Variants in USF3 observed in about 807,000 individuals in gnomAD.
USF3 encodes the protein upstream transcription factor family member 3.
A neutral mutation model predicts 157.5 loss-of-function variants in USF3; 29 were observed. The observed-to-expected ratio is 0.18, with a 90% CI of 0.14 to 0.25. USF3 has a LOEUF of 0.25. Among genes scored for constraint, USF3 ranks in the 10% least tolerant of loss-of-function variants. USF3 has a pLI of 1.00. For missense variants in USF3, 2,381 were observed against 2,667.6 expected (o/e 0.89, Z 2.37); for synonymous variants, 893 against 941.4 (o/e 0.95, Z 0.94).
Position 113,654,840 on chromosome 3 carries a change from GACAC to G in USF3, c.*100_*103del. The G allele has an allele frequency of 1.6e-6, 2 of 1,251,876 alleles. No homozygotes were observed. The highest frequency in any genetic ancestry group is 2.2e-6 in the Non-Finnish European group (2 of 912,660). 77.5% of individuals were successfully genotyped at this position (1,251,876 alleles called of 1,614,324 possible). ...AAGATAACTGAAAACTGATTATACA[GACAC>G]ACACACACAATCCTTCTCTTCATGT... On this transcript the variant is annotated 3_prime_UTR_variant, in exon 7 of 7. Transcript: ENST00000316407.
In USF3 at chr3:113,657,247, C is replaced by A. The variant is rs563031436; in HGVS notation, c.4435G>T (p.Ala1479Ser). ...TGATGCCTCTCTCTTAACTGCCCTGCTTGTTGTTGTTGCTGTTGCTGCTGC... is the reference window on the plus strand; with the variant it reads ...TGATGCCTCTCTCTTAACTGCCCTGATTGTTGTTGTTGCTGTTGCTGCTGC... ...QQQQQQQQQQ[A>S]GQLRERHHLY... The change falls in exon 7 of 7, where the codon GCA (alanine) becomes TCA (serine). Residue 1479 changes from alanine (A) to serine (S), a missense_variant. Around this residue, in one of 6 missense-constraint regions of USF3, gnomAD observed 50 missense variants for 79.7 expected, o/e 0.63. Transcript: ENST00000316407. The A allele has an allele frequency of 3.0e-4, 476 of 1,595,572 alleles. 4 individuals are homozygous for A. The South Asian group carries it at 4.9e-3, about 16-fold the overall frequency.
rs1020250383 is a variant in USF3, at chr3:113,659,481, G to T, written c.2201C>A (p.Pro734His). 6.2e-7 allele frequency: 1 copy of T among 1,614,128 alleles called. No homozygotes were observed. Among genetic ancestry groups the T allele is most frequent in the Non-Finnish European group, 8.5e-7 (1 of 1,180,040 alleles). ...ATTTGCAGCAGTTTGAGAATTGGCA[G>T]GCTGGCTAATAGACAATTGTACACA... Reference protein sequence around the residue: ...QSCVQLSISQPANSQTAANSQ... With the variant: ...QSCVQLSISQHANSQTAANSQ... The change falls in exon 7 of 7, where the codon CCT (proline) becomes CAT (histidine). Residue 734 changes from proline to histidine, a missense_variant. Pro to His is a moderately conservative substitution (Grantham distance 77). This residue lies in a region of USF3 where 1,435 missense variants were observed against 1,550.9 expected (regional missense o/e 0.93). Transcript: ENST00000316407.
At chr3:113,662,198 T>C (rs754617836) in intron 6 of USF3, among the ~76,000 whole-genome samples, 3 of 152,186 alleles carry the variant, frequency 2.0e-5, no homozygotes, top group Non-Finnish European at 2.9e-5. Context: ...TTTGAAACAA[T>C]TGAGACAAAA....
Position 113,652,833 on chromosome 3 carries a change from G to C in USF3, c.*2111C>G, listed in dbSNP as rs1033176461. On this transcript the variant is annotated 3_prime_UTR_variant, in exon 7 of 7. Coordinates refer to ENST00000316407, the MANE Select transcript of USF3 (RefSeq NM_001009899.4). ...TAGCCAGGTGTAGTGGCACAGACCT[G>C]TAATCTCAGCTACTCGGGAGGCTGA... The C allele has an allele frequency of 8.4e-5, 18 of 214,938 alleles. No homozygotes were observed. The highest frequency in any genetic ancestry group is 6.6e-4 in the South Asian group (9 of 13,638). The allele number at this position is 214,938 out of a possible 1,614,324, so 13.3% of individuals were successfully genotyped here. A position where few individuals can be genotyped will look rare whatever the true frequency, so the allele number is the denominator to read the frequency against.
chr3:113,689,475 G>C (rs1359082045), intron 1 of USF3, among the ~76,000 whole-genome samples: 1 of 152,094 alleles, frequency 6.6e-6, no homozygotes, highest in Non-Finnish European at 1.5e-5. Context: ...ATCCTTTCAG[G>C]CCTCCAGGAC....
Position 113,679,009 on chromosome 3 carries a change from G to GTCTCTCTCTCTC in USF3, c.-134-1624_-134-1613dup, listed in dbSNP as rs373834496. Reference sequence around the variant, plus strand: ...ATCTCACTATGCTGTCCAGGCTGGTGTCTCTCTCTCTCTCTCTCTCTCTCT... The same window carrying GTCTCTCTCTCTC: ...ATCTCACTATGCTGTCCAGGCTGGTGTCTCTCTCTCTCTCTCTCTCTCTCTCTCTCTCTCTCT... On this transcript the variant is annotated intron_variant, in intron 1 of 6. Transcript: ENST00000316407. Among the ~76,000 whole-genome samples, 653 of 144,132 alleles carry GTCTCTCTCTCTC rather than the reference G, an allele frequency of 4.5e-3. 2 individuals carry two copies. The highest frequency in any genetic ancestry group is 7.2e-3 in the Non-Finnish European group (472 of 65,826). 94.6% of individuals were successfully genotyped at this position (144,132 alleles called of 152,430 possible).
rs1947409996 is a variant in USF3 at position 113,658,444 on chromosome 3, T to C, written c.3238A>G (p.Asn1080Asp). ...ATGGGAGAGTCGGCCTGTCTACCGTTGATCAAAGAACCATTAATAACCTCT... is the reference window on the plus strand; with the variant it reads ...ATGGGAGAGTCGGCCTGTCTACCGTCGATCAAAGAACCATTAATAACCTCT... ...DQEVINGSLI[N>D]GRQADSPMST... Residue 1080 changes from asparagine to aspartate, a missense_variant, in exon 7 of 7, where the codon AAC becomes GAC. This residue lies in a region of USF3 where 1,435 missense variants were observed against 1,550.9 expected (regional missense o/e 0.93). Coordinates refer to ENST00000316407, the MANE Select transcript of USF3 (RefSeq NM_001009899.4). The C allele has an allele frequency of 2.5e-6, 4 of 1,614,138 alleles. No homozygotes were observed. The highest frequency in any genetic ancestry group is 3.4e-6 in the Non-Finnish European group (4 of 1,180,030).
chr3:113,689,717 C>T (rs955940843), intron 1 of USF3, among the ~76,000 whole-genome samples: 1 of 152,214 alleles, frequency 6.6e-6, no homozygotes, highest in Non-Finnish European at 1.5e-5. Context: ...CTGGCTGCTC[C>T]AGCCAACCAA....
intron 1 of USF3, among the ~76,000 whole-genome samples, chr3:113,684,287 T>C (rs1707500163): frequency 6.6e-6 from 1 of 152,198 alleles, no homozygotes; most frequent in South Asian, 2.1e-4. Context: ...GATCCTTTTT[T>C]ATCCTTGACC....
rs137868209 is a variant in USF3, at chr3:113,679,598, G to A, written c.-134-2201C>T. Among the ~76,000 whole-genome samples, 714 of 151,984 alleles carry A rather than the reference G, an allele frequency of 4.7e-3. 4 individuals carry two copies. Among genetic ancestry groups the A allele is most frequent in the African/African-American group, 0.016 (678 of 41,424 alleles). ...CCAGCTAATTTTTGTATTTTTAGTA[G>A]AGACGGGGTTTCACCATGTTGGCCA... On this transcript the variant is annotated intron_variant, in intron 1 of 6. Transcript: ENST00000316407.
In USF3 at chr3:113,658,010, T is replaced by C. The variant is rs748076572; in HGVS notation, c.3672A>G (p.Ala1224=). 1.9e-6 allele frequency: 3 copies of C among 1,614,058 alleles called. No homozygotes were observed. The highest frequency in any genetic ancestry group is 2.7e-5 in the African/African-American group (2 of 74,922). ...GCTGAGAAGTTGAATCCTGTAAAGA[T>C]GCATTTGATGTTTTAATTCCTAGAG... ...SCSLGIKTSN[A]SLQDSTSQPP... The change falls in exon 7 of 7, where the codon GCA becomes GCG. Residue 1224 remains alanine, a synonymous_variant. Transcript: ENST00000316407.
chr3:113,664,464 C>G, intron 5 of USF3, 55 bp from the exon 6 acceptor site: 2 of 907,542 alleles, frequency 2.2e-6, no homozygotes, highest in Non-Finnish European at 3.5e-6. Context: ...AAGAACTTGC[C>G]AGATGAAACT....
intron 1 of USF3, among the ~76,000 whole-genome samples, chr3:113,684,101 T>G (rs927520008): frequency 1.3e-5 from 2 of 152,222 alleles, no homozygotes; most frequent in Non-Finnish European, 2.9e-5. Context: ...CTCTTGATAT[T>G]TGAAGTGTAT....
intron 1 of USF3, among the ~76,000 whole-genome samples, chr3:113,692,876 A>G (rs1403573072): frequency 6.6e-6 from 1 of 152,236 alleles, no homozygotes; most frequent in Non-Finnish European, 1.5e-5. Context: ...TTTTAGCAAG[A>G]GTTCCACAAA....
chr3:113,654,159 T>A lies in USF3; in HGVS notation c.*785A>T, dbSNP rs1039256403. On this transcript the variant is annotated 3_prime_UTR_variant, in exon 7 of 7. Coordinates refer to ENST00000316407, the MANE Select transcript of USF3 (RefSeq NM_001009899.4). ...ACTCCACAATACAACTAACTGCTTT[T>A]ACCCTTATGACCCGATGCAAAATGC... 4 of 152,678 alleles carry A rather than the reference T, an allele frequency of 2.6e-5. No homozygotes were observed. The highest frequency in any genetic ancestry group is 5.9e-5 in the Non-Finnish European group (4 of 68,046). The allele number at this position is 152,678 out of a possible 1,614,324, so 9.5% of individuals were successfully genotyped here.
chr3:113,680,798 C>CAA (rs527515104), intron 1 of USF3, among the ~76,000 whole-genome samples: 46 of 113,526 alleles, frequency 4.1e-4, no homozygotes, highest in Non-Finnish European at 5.8e-4. Context: ...ATACTGTCTC[C>CAA]AAAAAAAAAA....
Position 113,659,223 on chromosome 3 carries a change from A to G in USF3, c.2459T>C (p.Val820Ala). The change falls in exon 7 of 7, where the codon GTG (valine) becomes GCG (alanine). Residue 820 changes from valine to alanine, a missense_variant. Around this residue, in one of 6 missense-constraint regions of USF3, gnomAD observed 1,435 missense variants for 1,550.9 expected, o/e 0.93. Coordinates refer to ENST00000316407, the MANE Select transcript of USF3 (RefSeq NM_001009899.4). ...SACPLNSVRD[V>A]SKLDCPNTEG... ...AGTGTTGGGGCAGTCTAACTTGCTC[A>G]CATCTCTGACTGAATTCAGGGGACA... 1 of 1,614,184 alleles carries G rather than the reference A, an allele frequency of 6.2e-7. No individual in the cohort carries two copies. Among genetic ancestry groups the G allele is most frequent in the Non-Finnish European group, 8.5e-7 (1 of 1,180,026 alleles).
In USF3 at chr3:113,657,908, C is replaced by G; in HGVS notation, c.3774G>C (p.Ala1258=). 6.2e-7 allele frequency: 1 copy of G among 1,614,136 alleles called. No individual in the cohort carries two copies. The highest frequency in any genetic ancestry group is 1.1e-5 in the South Asian group (1 of 91,082). The change falls in exon 7 of 7, where the codon GCG becomes GCC. Residue 1258 remains alanine, a synonymous_variant. Coordinates refer to ENST00000316407, the MANE Select transcript of USF3 (RefSeq NM_001009899.4). ...TTTGCTCTGAAGTTGGGGATAAACCCGCACAGCTGGCCAGAGGATGGCTGA... is the reference window on the plus strand; with the variant it reads ...TTTGCTCTGAAGTTGGGGATAAACCGGCACAGCTGGCCAGAGGATGGCTGA... ...SSISHPLASC[A]GLSPTSEQTT... is the part of the protein sequence containing the mutation.
chr3:113,685,450 T>C (rs984183332), intron 1 of USF3, among the ~76,000 whole-genome samples: 3 of 152,178 alleles, frequency 2.0e-5, no homozygotes, highest in African/African-American at 7.2e-5. Flanking sequence ...GTGGGTTCCA[T>C]TCTGGCCCAG....
Sources: allele counts gnomAD v4.1 joint callset (sites outside exome capture counted in the v4.1 genomes callset), GRCh38; gene constraint gnomAD v4.1.1; regional missense constraint gnomAD v4.1.1; transcripts MANE v1.5; gene names NCBI Gene and HGNC (gene_info 2026-07-23, HGNC 2026-07-21).